KIAA1217: variants seen among roughly 807,000 people sequenced by gnomAD.
The protein encoded by KIAA1217 is KIAA1217, also known as sickle tail protein homolog.
In KIAA1217, 88 loss-of-function variants were observed where a neutral mutation model predicts 163.9. That is an observed-to-expected ratio of 0.54 (90% CI 0.45 to 0.64). The LOEUF (loss-of-function observed/expected upper bound fraction) is 0.64, where lower values mean the gene tolerates loss of function less well. Ranked by LOEUF, KIAA1217 falls within the 30% of genes least tolerant of loss-of-function variation. The pLI is 0.00. For missense variants in KIAA1217, 2,372 were observed against 2,475.0 expected (o/e 0.96, Z 0.88); for synonymous variants, 903 against 923.1 (o/e 0.98, Z 0.39).
intron 2 of KIAA1217, among the ~76,000 whole-genome samples, chr10:24,145,085 G>A (rs959561883): frequency 6.6e-6 from 1 of 152,198 alleles, no homozygotes; most frequent in South Asian, 2.1e-4. Context: ...AATTCTTAAA[G>A]GTCCTGTTTC....
At chr10:24,479,973 C>T (rs1011383612) in intron 6 of KIAA1217, among the ~76,000 whole-genome samples, 1 of 152,216 alleles carries the variant, frequency 6.6e-6, no homozygotes. Context: ...CACTAGGCCC[C>T]ACCTCCCAGC....
intron 2 of KIAA1217, among the ~76,000 whole-genome samples, chr10:24,056,837 C>G (rs926487457): frequency 6.6e-6 from 1 of 151,992 alleles, no homozygotes; most frequent in African/African-American, 2.4e-5. Flanking sequence ...TTTGAAAGAA[C>G]AGATTCTAGA....
At chr10:24,360,895 G>A (rs1386253530) in intron 2 of KIAA1217, among the ~76,000 whole-genome samples, 2 of 113,458 alleles carry the variant, frequency 1.8e-5, no homozygotes, top group Non-Finnish European at 3.5e-5. Context: ...TCAATGCTAA[G>A]TGGTTTTTTT....
chr10:24,378,033 G>A (rs1281509271), intron 2 of KIAA1217, among the ~76,000 whole-genome samples: 1 of 152,106 alleles, frequency 6.6e-6, no homozygotes, highest in African/African-American at 2.4e-5. Flanking sequence ...GAAGATCGTG[G>A]GGGTCTCACA....
chr10:24,403,144 G>A (rs1243374447), intron 3 of KIAA1217, among the ~76,000 whole-genome samples: 4 of 152,170 alleles, frequency 2.6e-5, no homozygotes, highest in African/African-American at 9.6e-5. Flanking sequence ...AGGAACTGTA[G>A]CATTGTGAAG....
At chr10:23,793,001 T>C (rs189356278) in intron 1 of KIAA1217, among the ~76,000 whole-genome samples, 44 of 149,850 alleles carry the variant, frequency 2.9e-4, no homozygotes, top group African/African-American at 1.0e-3. Flanking sequence ...CACCAGTGGG[T>C]TGAATGATTT....
intron 2 of KIAA1217, among the ~76,000 whole-genome samples, chr10:24,128,259 T>C (rs2063535568): frequency 6.6e-6 from 1 of 152,168 alleles, no homozygotes; most frequent in Admixed American, 6.6e-5. Flanking sequence ...CCTAAGGGAT[T>C]TGCCAGAACA....
intron 2 of KIAA1217, among the ~76,000 whole-genome samples, chr10:24,172,175 A>G (rs1271854050): frequency 6.6e-6 from 1 of 152,226 alleles, no homozygotes; most frequent in Non-Finnish European, 1.5e-5. Context: ...GTTTCTATTG[A>G]GACAGCAACC....
At chr10:24,231,636 A>G (rs1269637859) in intron 2 of KIAA1217, among the ~76,000 whole-genome samples, 1 of 152,214 alleles carries the variant, frequency 6.6e-6, no homozygotes, top group Non-Finnish European at 1.5e-5. Context: ...ATCAGGAACA[A>G]TAGTCATTTA....
chr10:24,267,864 T>C (rs975310713), intron 2 of KIAA1217, among the ~76,000 whole-genome samples: 1 of 152,178 alleles, frequency 6.6e-6, no homozygotes, highest in African/African-American at 2.4e-5. Context: ...TGCCTAAGAG[T>C]ACTCCATAGA....
intron 2 of KIAA1217, among the ~76,000 whole-genome samples, chr10:24,348,421 CA>C (rs1249598671): frequency 6.6e-6 from 1 of 152,052 alleles, no homozygotes; most frequent in Non-Finnish European, 1.5e-5. Flanking sequence ...TAGTTCATTC[CA>C]ATACTCACAT....
At chr10:23,713,838 T>G (rs1283692409) in intron 1 of KIAA1217, among the ~76,000 whole-genome samples, 1 of 152,186 alleles carries the variant, frequency 6.6e-6, no homozygotes, top group Non-Finnish European at 1.5e-5. Context: ...ATCACCTATT[T>G]CCACCTCTAG....
chr10:24,068,819 A>AGGGAGCT (rs1231738937), intron 2 of KIAA1217, among the ~76,000 whole-genome samples: 6 of 152,186 alleles, frequency 3.9e-5, no homozygotes, highest in South Asian at 2.1e-4. Context: ...TTCCTTCCTC[A>AGGGAGCT]GGGAGCTGGG....
At chr10:24,368,604 T>G (rs2051122905) in intron 2 of KIAA1217, among the ~76,000 whole-genome samples, 1 of 152,198 alleles carries the variant, frequency 6.6e-6, no homozygotes, top group Non-Finnish European at 1.5e-5. Context: ...GAAGGTGATC[T>G]TCCCCCTTTA....
At position 23,727,449 on chromosome 10, in the gene KIAA1217, A is replaced by G. The variant is rs370676873; in HGVS notation, c.-321+32215A>G. Among the ~76,000 whole-genome samples, 5 of 152,076 alleles carry G rather than the reference A, an allele frequency of 3.3e-5. No homozygotes were observed. The South Asian group carries it at 1.0e-3, about 32-fold the overall frequency. On this transcript the variant is annotated intron_variant, in intron 1 of 18. Transcript: ENST00000376462. Reference sequence around the variant, plus strand: ...GTGGTGCACACCTATAATCCCAGCTACTTGGGAGGCTGAGACAAGAGAATC... The same window carrying G: ...GTGGTGCACACCTATAATCCCAGCTGCTTGGGAGGCTGAGACAAGAGAATC...
chr10:24,289,313 G>A (rs368132751), intron 2 of KIAA1217, among the ~76,000 whole-genome samples: 2 of 152,110 alleles, frequency 1.3e-5, no homozygotes, highest in Non-Finnish European at 2.9e-5. Flanking sequence ...AAGGTGGACT[G>A]TGAAAGGAAG....
intron 6 of KIAA1217, among the ~76,000 whole-genome samples, chr10:24,479,993 T>TG (rs1324567837): frequency 6.6e-6 from 1 of 152,160 alleles, no homozygotes; most frequent in Non-Finnish European, 1.5e-5. Context: ...CACTGCCACG[T>TG]GGGGGATCAC....
At chr10:24,039,528 G>A (rs924267567) in intron 2 of KIAA1217, among the ~76,000 whole-genome samples, 7 of 152,140 alleles carry the variant, frequency 4.6e-5, no homozygotes, top group Non-Finnish European at 8.8e-5. Flanking sequence ...GTTTTGTGTG[G>A]CCAGACGGTT....
chr10:23,994,923 G>C (rs16924183), intron 1 of KIAA1217, among the ~76,000 whole-genome samples: 10,310 of 152,070 alleles, frequency 0.068, 411 homozygotes, highest in African/African-American at 0.1. Context: ...TTTTTCACTG[G>C]TTTCAAGATC....
Sources: allele counts gnomAD v4.1 joint callset (sites outside exome capture counted in the v4.1 genomes callset), GRCh38; gene constraint gnomAD v4.1.1; transcripts MANE v1.5; gene names NCBI Gene and HGNC (gene_info 2026-07-23, HGNC 2026-07-21).